Variants in GNAS-AS1 observed in about 807,000 individuals in gnomAD.
GNAS-AS1 encodes GNAS antisense RNA 1, also known as GNAS antisense RNA 1 (non-protein coding).
At chr20:58,839,691 G>T in intron 4 of GNAS-AS1, 1 of 462,840 alleles carries the variant, frequency 2.2e-6, no homozygotes, top group Non-Finnish European at 3.8e-6. Context: ...GCACATGCCC[G>T]GCAGAAGTCC....
At chr20:58,835,284 C>T (rs546010042) in intron 4 of GNAS-AS1, among the ~76,000 whole-genome samples, 1 of 152,200 alleles carries the variant, frequency 6.6e-6, no homozygotes, top group Non-Finnish European at 1.5e-5. Context: ...TGATTATACC[C>T]GCTCACCAGG....
At chr20:58,828,193 C>T (rs2085532998) in intron 4 of GNAS-AS1, among the ~76,000 whole-genome samples, 1 of 152,234 alleles carries the variant, frequency 6.6e-6, no homozygotes, top group East Asian at 1.9e-4. Context: ...TGGACTTTGC[C>T]AGGCTGATTA....
intron 4 of GNAS-AS1, among the ~76,000 whole-genome samples, chr20:58,837,750 T>C (rs1389958177): frequency 6.6e-6 from 1 of 152,204 alleles, no homozygotes; most frequent in South Asian, 2.1e-4. Flanking sequence ...GCCCAATCAC[T>C]ATTTTAATGC....
Position 58,840,506 on chromosome 20 carries a change from A to G in GNAS-AS1, n.819+1431T>C. ...CGAGACCGAGCCTGAGACCGCCCCC[A>G]CCACTGAGCCCGAGACCGAGCCTGA... On this transcript the variant is annotated intron_variant and non_coding_transcript_variant, in intron 4 of 4. Coordinates refer to ENST00000424094, the Ensembl canonical transcript of GNAS-AS1. The surrounding 1 kb of genome is among the most constrained non-coding windows in gnomAD (Gnocchi z 6.0). 1 of 1,612,830 alleles carries G rather than the reference A, an allele frequency of 6.2e-7. No homozygotes were observed. Among genetic ancestry groups the G allele is most frequent in the South Asian group, 1.1e-5 (1 of 91,046 alleles).
In GNAS-AS1 at chr20:58,841,445, G is replaced by A. The variant is rs1363874022; in HGVS notation, n.819+492C>T. On this transcript the variant is annotated intron_variant and non_coding_transcript_variant, in intron 4 of 4. Coordinates refer to ENST00000424094, the Ensembl canonical transcript of GNAS-AS1. This position sits in a 1 kb window ranked among gnomAD's most constrained non-coding sequence, Gnocchi z 5.0. The stretch of plus-strand genomic sequence containing the variant: ...ACCACCCGGGAGGGAAGTCACGCGC[G>A]CGCGGCGCCTAAGCAGCTCAGAGCC... The A allele has an allele frequency of 2.0e-6, 2 of 993,644 alleles. No individual in the cohort carries two copies. The highest frequency in any genetic ancestry group is 5.6e-5 in the Admixed American group (1 of 17,708). The allele number at this position is 993,644 out of a possible 1,614,324, so 61.6% of individuals were successfully genotyped here.
intron 2 of GNAS-AS1, chr20:58,844,056 A>G (rs546275857): frequency 6.6e-6 from 1 of 152,232 alleles, no homozygotes; most frequent in African/African-American, 2.4e-5. Flanking sequence ...GGAGGAAGAA[A>G]GCTGAAACTT....
In GNAS-AS1 at chr20:58,840,122, C is replaced by G; in HGVS notation, n.819+1815G>C. On this transcript the variant is annotated intron_variant and non_coding_transcript_variant, in intron 4 of 4. Coordinates refer to ENST00000424094, the Ensembl canonical transcript of GNAS-AS1. The surrounding 1 kb of genome is among the most constrained non-coding windows in gnomAD (Gnocchi z 6.0). ...GCCTAAGAGGATGGATCGGAGGTCC[C>G]GGGCTCAGCAGTGGCGCCGAGCTCG... is the stretch of plus-strand genomic sequence containing the variant. 6.2e-7 allele frequency: 1 copy of G among 1,611,306 alleles called. No homozygotes were observed. The highest frequency in any genetic ancestry group is 8.5e-7 in the Non-Finnish European group (1 of 1,179,968).
chr20:58,846,639 A>G (rs2085949680), intron 2 of GNAS-AS1, among the ~76,000 whole-genome samples: 1 of 152,248 alleles, frequency 6.6e-6, no homozygotes, highest in African/African-American at 2.4e-5. Flanking sequence ...CAAGGGGCAC[A>G]GGCCAAAGAC....
chr20:58,840,635 C>T lies in GNAS-AS1; in HGVS notation n.819+1302G>A, dbSNP rs781477248. 1.1e-5 allele frequency: 17 copies of T among 1,606,254 alleles called. No homozygotes were observed. The highest frequency in any genetic ancestry group is 1.4e-5 in the Non-Finnish European group (17 of 1,178,070). ...GCGAAGCCCCGACGCCTCCCCAAGT[C>T]GCGCGCCGCCCAGCACTCAGGAGCC... On this transcript the variant is annotated intron_variant and non_coding_transcript_variant, in intron 4 of 4. Coordinates refer to ENST00000424094, the Ensembl canonical transcript of GNAS-AS1. The surrounding 1 kb of genome is among the most constrained non-coding windows in gnomAD (Gnocchi z 6.0).
chr20:58,835,313 T>C (rs2085595160), intron 4 of GNAS-AS1, among the ~76,000 whole-genome samples: 1 of 152,158 alleles, frequency 6.6e-6, no homozygotes. Flanking sequence ...AACCAATCCA[T>C]TATCTTGAGT....
exon 5 of GNAS-AS1, chr20:58,819,102 C>A: frequency 2.5e-6 from 1 of 398,636 alleles, no homozygotes. Context: ...CTTTGCTTAT[C>A]AAACCTTTCT....
At chr20:58,820,976 T>C (rs2085482670) in intron 4 of GNAS-AS1, among the ~76,000 whole-genome samples, 1 of 152,110 alleles carries the variant, frequency 6.6e-6, no homozygotes, top group Non-Finnish European at 1.5e-5. Flanking sequence ...AGCTACCCAA[T>C]GTGGGGCAGC....
At chr20:58,848,684 A>G (rs1330372907) in intron 2 of GNAS-AS1, among the ~76,000 whole-genome samples, 1 of 152,136 alleles carries the variant, frequency 6.6e-6, no homozygotes, top group Non-Finnish European at 1.5e-5. Context: ...TCACCAGACA[A>G]GCCAACCAAT....
At chr20:58,829,443 T>C (rs562825553) in intron 4 of GNAS-AS1, among the ~76,000 whole-genome samples, 2 of 152,342 alleles carry the variant, frequency 1.3e-5, no homozygotes, top group South Asian at 2.1e-4. Flanking sequence ...CCATGGTTTA[T>C]GGCTGTTCAA....
At chr20:58,842,369 C>T (rs570239857) in intron 3 of GNAS-AS1, 66 of 398,098 alleles carry the variant, frequency 1.7e-4, no homozygotes, top group Non-Finnish European at 2.3e-4. Flanking sequence ...GTTTTGAGGG[C>T]TTGAGATGAA....
intron 4 of GNAS-AS1, among the ~76,000 whole-genome samples, chr20:58,822,897 G>C (rs1465025302): frequency 1.3e-5 from 2 of 152,074 alleles, no homozygotes; most frequent in East Asian, 3.9e-4. Flanking sequence ...CCCGACCTAG[G>C]GCTGGGCTCT....
At chr20:58,823,428 G>C (rs2085498827) in intron 4 of GNAS-AS1, among the ~76,000 whole-genome samples, 1 of 152,218 alleles carries the variant, frequency 6.6e-6, no homozygotes, top group African/African-American at 2.4e-5. Flanking sequence ...CAGGGGCTTG[G>C]GGGGCTTTGG....
intron 4 of GNAS-AS1, among the ~76,000 whole-genome samples, chr20:58,830,429 C>T (rs1220995470): frequency 7.6e-6 from 1 of 131,882 alleles, no homozygotes; most frequent in Non-Finnish European, 1.7e-5. Context: ...ACCACCGCCA[C>T]ACCACCATCA....
exon 3 of GNAS-AS1, chr20:58,842,534 T>C: frequency 2.5e-6 from 1 of 398,628 alleles, no homozygotes; most frequent in East Asian, 3.6e-5. Context: ...TTGGATGCTT[T>C]TGTGGTCTTC....
Sources: allele counts gnomAD v4.1 joint callset (sites outside exome capture counted in the v4.1 genomes callset), GRCh38; gene constraint gnomAD v4.1.1; non-coding constraint Gnocchi (gnomAD v3.1); transcripts MANE v1.5; gene names NCBI Gene and HGNC (gene_info 2026-07-23, HGNC 2026-07-21).